FLYWCH1: variants seen among roughly 807,000 people sequenced by gnomAD.
The protein encoded by FLYWCH1 is FLYWCH-type zinc finger 1.
A neutral mutation model predicts 66.4 loss-of-function variants in FLYWCH1; 75 were observed. The ratio of observed to expected loss-of-function variants is 1.13; its 90% CI spans 0.94 to 1.37. The LOEUF (loss-of-function observed/expected upper bound fraction) is 1.37, where lower values mean the gene tolerates loss of function less well. FLYWCH1 is among the 40% of genes most tolerant of loss of function. The pLI is 0.00. For missense variants in FLYWCH1, 1,334 were observed against 1,001.8 expected (o/e 1.33, Z -4.48); for synonymous variants, 595 against 429.9 (o/e 1.38, Z -4.75).
chr16:2,931,305 TAA>T (rs150704073), intron 4 of FLYWCH1, among the ~76,000 whole-genome samples: 42,651 of 86,190 alleles, frequency 0.49, 8,531 homozygotes, highest in Admixed American at 0.57. Flanking sequence ...TCCATCTCAG[TAA>T]AAAAAAAAAA....
rs2070890343 is a variant in FLYWCH1 at position 2,933,990 on chromosome 16, G to A, written c.1513+11G>A. The A allele has an allele frequency of 1.3e-6, 2 of 1,513,624 alleles. No homozygotes were observed. Among genetic ancestry groups the A allele is most frequent in the South Asian group, 1.2e-5 (1 of 80,930 alleles). 93.8% of individuals were successfully genotyped at this position (1,513,624 alleles called of 1,614,324 possible). ...AGCGGGGGAGCCCAGGTACCTGGGG[G>A]TGGGCTGGGAGCTGGGCCCCAGGAA... On this transcript the variant is annotated intron_variant, in intron 6 of 9. Transcript: ENST00000253928.
chr16:2,923,476 C>A (rs1399488137), intron 2 of FLYWCH1, among the ~76,000 whole-genome samples: 1 of 152,056 alleles, frequency 6.6e-6, no homozygotes, highest in Non-Finnish European at 1.5e-5. Context: ...GAACTCCTGA[C>A]CTCAGGTGAT....
At position 2,942,899 on chromosome 16, in the gene FLYWCH1, G is replaced by A. The variant is rs56030001; in HGVS notation, c.2111+2807G>A. 1.2e-4 allele frequency among the ~76,000 whole-genome samples: 18 copies of A among 151,494 alleles called. No individual in the cohort carries two copies. In the East Asian group the frequency reaches 1.8e-3, roughly 15 times the overall value. ...GTATTTTTAGTGGAGACGGGGTTTC[G>A]CTATGTTGGCTAGGCTGGTCACGAA... On this transcript the variant is annotated intron_variant, in intron 9 of 9. Coordinates refer to ENST00000253928, the MANE Select transcript of FLYWCH1 (RefSeq NM_001308068.2).
intron 9 of FLYWCH1, among the ~76,000 whole-genome samples, chr16:2,942,921 C>T (rs112808736): frequency 6.6e-6 from 1 of 151,560 alleles, no homozygotes; most frequent in African/African-American, 2.4e-5. Flanking sequence ...AGGCTGGTCA[C>T]GAACTCCCGA....
chr16:2,936,362 T>A (rs771471461), intron 6 of FLYWCH1: 1 of 456,298 alleles, frequency 2.2e-6, no homozygotes, highest in South Asian at 1.6e-5. Flanking sequence ...CTCAGGGTCC[T>A]CCTGCCTCCC....
intron 2 of FLYWCH1, among the ~76,000 whole-genome samples, chr16:2,926,749 G>T (rs1273535295): frequency 1.3e-5 from 2 of 152,138 alleles, no homozygotes; most frequent in African/African-American, 4.8e-5. Flanking sequence ...ATGTCAATTG[G>T]CCATAAAGCC....
chr16:2,927,225 G>T (rs1014196219), intron 2 of FLYWCH1, among the ~76,000 whole-genome samples: 3 of 152,150 alleles, frequency 2.0e-5, no homozygotes, highest in African/African-American at 7.2e-5. Flanking sequence ...TAATCCAACA[G>T]CACCACCTAG....
At chr16:2,922,872 A>T in intron 2 of FLYWCH1, 1 of 523,426 alleles carries the variant, frequency 1.9e-6, no homozygotes, top group Non-Finnish European at 3.8e-6. Context: ...TTCATGGCAG[A>T]CTCAGTGGTC....
chr16:2,914,336 G>A lies in FLYWCH1; in HGVS notation c.-74+47G>A, dbSNP rs570536258. On this transcript the variant is annotated intron_variant, in intron 2 of 9. Coordinates refer to ENST00000253928, the MANE Select transcript of FLYWCH1 (RefSeq NM_001308068.2). ...CTGCCGACAGAGCCGCCTGGTTTTC[G>A]AGCCTTACTGATTAGAGTTTGGACC... 1.2e-4 allele frequency: 19 copies of A among 152,338 alleles called. No homozygotes were observed. The Middle Eastern group carries it at 0.01, about 82-fold the overall frequency. The allele number at this position is 152,338 out of a possible 1,614,324, so 9.4% of individuals were successfully genotyped here. A position where few individuals can be genotyped will look rare whatever the true frequency, so the allele number is the denominator to read the frequency against.
chr16:2,938,716 C>G (rs1450562343), intron 8 of FLYWCH1, among the ~76,000 whole-genome samples: 1 of 94,744 alleles, frequency 1.1e-5, no homozygotes, highest in African/African-American at 2.8e-5. Flanking sequence ...GGGTTCACAC[C>G]ATTCTCCTGC....
intron 2 of FLYWCH1, chr16:2,928,936 C>T (rs892283006): frequency 2.6e-5 from 4 of 152,376 alleles, no homozygotes; most frequent in Admixed American, 6.5e-5. Context: ...CACTGTGGGG[C>T]CCTGGTATCT....
chr16:2,919,024 T>C (rs893393153), intron 2 of FLYWCH1, among the ~76,000 whole-genome samples: 2 of 151,702 alleles, frequency 1.3e-5, no homozygotes, highest in Non-Finnish European at 3.0e-5. Flanking sequence ...CTCGGCTCAC[T>C]GCAACCTCCA....
At chr16:2,927,450 C>A (rs540102688) in intron 2 of FLYWCH1, among the ~76,000 whole-genome samples, 1 of 152,284 alleles carries the variant, frequency 6.6e-6, no homozygotes, top group South Asian at 2.1e-4. Flanking sequence ...ACCCAACTCA[C>A]CTTCTATGAG....
At chr16:2,915,083 A>G (rs1222245007) in intron 2 of FLYWCH1, 2 of 151,330 alleles carry the variant, frequency 1.3e-5, no homozygotes. Flanking sequence ...TATTTATTGA[A>G]TTTATTAAAT....
intron 2 of FLYWCH1, among the ~76,000 whole-genome samples, chr16:2,919,052 C>T (rs186868599): frequency 6.6e-6 from 1 of 151,540 alleles, no homozygotes; most frequent in Non-Finnish European, 1.5e-5. Flanking sequence ...TCTTCTGCCT[C>T]CACCTCCCAA....
intron 9 of FLYWCH1, 113 bp from the exon 10 acceptor site, chr16:2,948,575 T>C: frequency 9.0e-7 from 1 of 1,116,702 alleles, no homozygotes; most frequent in Non-Finnish European, 1.3e-6. Context: ...AAATAAATGT[T>C]CTAGACTGTG....
chr16:2,936,306 G>T (rs1490926527), intron 6 of FLYWCH1: 1 of 436,638 alleles, frequency 2.3e-6, no homozygotes, highest in African/African-American at 2.0e-5. Context: ...CCTTCGTCCT[G>T]ACCTCTTCTG....
rs190214226 is a variant in FLYWCH1, at chr16:2,938,362, C to T, written c.1956C>T (p.Val652=). The T allele has an allele frequency of 1.0e-5, 16 of 1,589,806 alleles. No homozygotes were observed. In the East Asian group the frequency reaches 3.4e-4, roughly 34 times the overall value. ...TAACCCAGGGCCACCGCATCATGGT[C>T]ATGCGCAGCCACTGCCATCAGCCTG... The part of the protein sequence containing the change: ...RAITQGHRIM[V]MRSHCHQPDL... The change falls in exon 8 of 10, where the codon GTC becomes GTT. Residue 652 remains valine, a synonymous_variant. Coordinates refer to ENST00000253928, the MANE Select transcript of FLYWCH1 (RefSeq NM_001308068.2).
rs1378893499 is a variant in FLYWCH1 at position 2,938,306 on chromosome 16, C to G, written c.1900C>G (p.Gln634Glu). 1 of 1,610,558 alleles carries G rather than the reference C, an allele frequency of 6.2e-7. No homozygotes were observed. The highest frequency in any genetic ancestry group is 2.2e-5 in the East Asian group (1 of 44,796). The change falls in exon 8 of 10, where the codon CAG becomes GAG. Residue 634 changes from glutamine (Q) to glutamate (E), a missense_variant. Physicochemically the swap from Gln to Glu is conservative, Grantham distance 29. Transcript: ENST00000253928. ...GEKVYWMCRD[Q>E]ARLGCRSRAI... ...GAAGGTGTACTGGATGTGCCGGGAC[C>G]AGGCTCGGCTGGGCTGCCGCAGCCG...
Sources: gnomAD v4.1 joint callset for allele counts (sites outside exome capture counted in the v4.1 genomes callset) on GRCh38, gnomAD v4.1.1 for gene constraint, MANE v1.5 for transcripts, NCBI Gene and HGNC (gene_info 2026-07-23, HGNC 2026-07-21) for gene names.